The following MAP7 variants were observed in gnomAD, a reference collection of about 807,000 sequenced individuals.
MAP7 encodes the protein microtubule associated protein 7.
Under a neutral mutation model 94.8 loss-of-function variants are expected in MAP7, and 52 were observed. The ratio of observed to expected loss-of-function variants is 0.55; its 90% CI spans 0.44 to 0.69. The LOEUF (loss-of-function observed/expected upper bound fraction) is 0.69, where lower values mean the gene tolerates loss of function less well. MAP7 is among the 30% of genes least tolerant of loss of function. MAP7 has a pLI of 0.00. For missense variants in MAP7, 940 were observed against 964.6 expected (o/e 0.97, Z 0.34); for synonymous variants, 350 against 357.0 (o/e 0.98, Z 0.22).
rs1488909487 is a variant in MAP7, at chr6:136,365,716, C to T, written c.1273+19G>A. 1.9e-6 allele frequency: 3 copies of T among 1,609,542 alleles called. No individual in the cohort carries two copies. Among genetic ancestry groups the T allele is most frequent in the East Asian group, 2.2e-5 (1 of 44,806 alleles). On this transcript the variant is annotated intron_variant, in intron 10 of 17. Transcript: ENST00000354570. ...AGAAAAAGAGAGAGCACCCAGACCA[C>T]AGGTGAGTTTGCTCTTACCAGGGCC...
intron 1 of MAP7, chr6:136,545,089 A>G (rs1829623194): frequency 1.3e-5 from 2 of 152,174 alleles, no homozygotes; most frequent in Admixed American, 1.3e-4. Context: ...GTCTCTTCCT[A>G]TTGCCATGCT....
chr6:136,468,093 C>T (rs1007955297), intron 1 of MAP7, among the ~76,000 whole-genome samples: 6 of 152,238 alleles, frequency 3.9e-5, no homozygotes, highest in African/African-American at 1.4e-4. Flanking sequence ...AGCATCAGAG[C>T]GTGTGACCAC....
chr6:136,510,285 A>G (rs944644021), intron 1 of MAP7, among the ~76,000 whole-genome samples: 1 of 152,190 alleles, frequency 6.6e-6, no homozygotes, highest in Admixed American at 6.5e-5. Context: ...AGAGGATAAG[A>G]AAGTAGAAAC....
chr6:136,505,273 GTGTGTATATATATATA>G lies in MAP7; in HGVS notation c.67+45053_67+45068del, dbSNP rs1181929546. On this transcript the variant is annotated intron_variant, in intron 1 of 17. Coordinates refer to ENST00000354570, the MANE Select transcript of MAP7 (RefSeq NM_003980.6). ...GTAATGTGTGTGTGTGTGTGTGTGTGTGTGTATATATATATATATATATATATATATATATATATAG... is the reference window on the plus strand; with the variant it reads ...GTAATGTGTGTGTGTGTGTGTGTGTGTATATATATATATATATATATATAG... 1.3e-3 allele frequency among the ~76,000 whole-genome samples: 94 copies of G among 69,850 alleles called. 1 individual carries two copies. Among genetic ancestry groups the G allele is most frequent in the African/African-American group, 4.7e-3 (85 of 18,200 alleles). 45.8% of individuals were successfully genotyped at this position (69,850 alleles called of 152,430 possible).
intron 1 of MAP7, among the ~76,000 whole-genome samples, chr6:136,486,598 A>G (rs1447931610): frequency 6.6e-6 from 1 of 152,208 alleles, no homozygotes; most frequent in Non-Finnish European, 1.5e-5. Flanking sequence ...AGACTGACCT[A>G]GTTAGATTCT....
At chr6:136,345,832 G>C in intron 17 of MAP7, 24 bp downstream of exon 17, 1 of 1,575,364 alleles carries the variant, frequency 6.3e-7, no homozygotes, top group Non-Finnish European at 8.7e-7. Flanking sequence ...GATGACTACA[G>C]AAGGGAGTTG....
In MAP7 at chr6:136,496,674, T is replaced by A. The variant is rs575766625; in HGVS notation, c.67+53668A>T. Among the ~76,000 whole-genome samples the A allele has an allele frequency of 1.5e-4, 22 of 150,208 alleles. 1 individual carries two copies. The highest frequency in any genetic ancestry group is 5.4e-4 in the African/African-American group (22 of 40,590). The stretch of plus-strand genomic sequence containing the variant: ...TCCATTTGAGGCCAGGTGCAGTAGC[T>A]CACACCTGTAATTCCAGCACTTTGG... On this transcript the variant is annotated intron_variant, in intron 1 of 17. Transcript: ENST00000354570.
At chr6:136,361,234 A>G in intron 11 of MAP7, 55 bp from the exon 12 acceptor site, 1 of 1,581,220 alleles carries the variant, frequency 6.3e-7, no homozygotes, top group Non-Finnish European at 8.6e-7. Context: ...GAAATCTTTG[A>G]AGAGAGGCCT....
chr6:136,406,377 C>T (rs1414112454), intron 3 of MAP7, among the ~76,000 whole-genome samples: 3 of 152,186 alleles, frequency 2.0e-5, no homozygotes, highest in African/African-American at 7.2e-5. Flanking sequence ...TCCATGACAA[C>T]TGGATACCTG....
rs73567669 is a variant in MAP7, at chr6:136,449,763, C to T, written c.68-27964G>A. 2.4e-3 allele frequency among the ~76,000 whole-genome samples: 369 copies of T among 152,290 alleles called. 1 individual carries two copies. Among genetic ancestry groups the T allele is most frequent in the African/African-American group, 8.2e-3 (340 of 41,544 alleles). ...TATGCAGGGGCTCTGCCCATAGGGA[C>T]GAAGGCATTAGCCAACGATTGCACT... On this transcript the variant is annotated intron_variant, in intron 1 of 17. Coordinates refer to ENST00000354570, the MANE Select transcript of MAP7 (RefSeq NM_003980.6).
chr6:136,506,655 G>A (rs115485127), intron 1 of MAP7, among the ~76,000 whole-genome samples: 7 of 152,290 alleles, frequency 4.6e-5, no homozygotes, highest in African/African-American at 1.7e-4. Context: ...CTTCACTGAC[G>A]TGCAAGAACA....
intron 4 of MAP7, 63 bp downstream of exon 4, chr6:136,389,291 A>C: frequency 6.7e-7 from 1 of 1,496,598 alleles, no homozygotes; most frequent in Non-Finnish European, 8.9e-7. Context: ...AAAGTTTCAC[A>C]GAAAGTTTGC....
chr6:136,476,910 T>C (rs1034568105), intron 1 of MAP7, among the ~76,000 whole-genome samples: 9 of 152,234 alleles, frequency 5.9e-5, no homozygotes, highest in African/African-American at 1.7e-4. Context: ...CTCTTCTTTA[T>C]GGTAGAAAGC....
chr6:136,496,780 A>G (rs1168642805), intron 1 of MAP7, among the ~76,000 whole-genome samples: 3 of 141,848 alleles, frequency 2.1e-5, no homozygotes, highest in East Asian at 2.6e-4. Context: ...TCTCTACTAA[A>G]AAAAAAAAAA....
chr6:136,381,919 C>CACACACACACACACACACAG lies in MAP7; in HGVS notation c.637+1751_637+1752insCTGTGTGTGTGTGTGTGTGT, dbSNP rs373754692. 5.5e-4 allele frequency among the ~76,000 whole-genome samples: 57 copies of CACACACACACACACACACAG among 103,006 alleles called. 2 individuals carry two copies. In the East Asian group the frequency reaches 6.7e-3, roughly 12 times the overall value. 67.6% of individuals were successfully genotyped at this position (103,006 alleles called of 152,430 possible). A position where few individuals can be genotyped will look rare whatever the true frequency, so the allele number is the denominator to read the frequency against. On this transcript the variant is annotated intron_variant, in intron 6 of 17. Transcript: ENST00000354570. ...ACACACACACACACACACACACACA[C>CACACACACACACACACACAG]AGAGAGAGAGAGAGAGAATGCATGG...
In MAP7 at chr6:136,394,951, T is replaced by TATATATATATATATATATATAC. The variant is rs1562350165; in HGVS notation, c.245-5435_245-5434insGTATATATATATATATATATAT. Among the ~76,000 whole-genome samples the TATATATATATATATATATATAC allele has an allele frequency of 3.4e-5, 4 of 118,140 alleles. 1 individual carries two copies. Among genetic ancestry groups the TATATATATATATATATATATAC allele is most frequent in the African/African-American group, 1.3e-4 (4 of 30,928 alleles). 77.5% of individuals were successfully genotyped at this position (118,140 alleles called of 152,430 possible). On this transcript the variant is annotated intron_variant, in intron 3 of 17. Coordinates refer to ENST00000354570, the MANE Select transcript of MAP7 (RefSeq NM_003980.6). ...TCCATCATATATATATATATATATA[T>TATATATATATATATATATATAC]ATATATATATATATATATATCACAT...
At chr6:136,383,903 A>G in intron 5 of MAP7, 122 bp from the exon 6 acceptor site, 1 of 627,822 alleles carries the variant, frequency 1.6e-6, no homozygotes, top group Admixed American at 3.5e-5. Context: ...ATCTGTCATA[A>G]TAACACAGTT....
At chr6:136,535,778 G>C (rs1009174972) in intron 1 of MAP7, among the ~76,000 whole-genome samples, 1 of 145,014 alleles carries the variant, frequency 6.9e-6, no homozygotes, top group Non-Finnish European at 1.5e-5. Flanking sequence ...TTAAGTTCTA[G>C]TGTACATGTG....
chr6:136,526,173 A>C lies in MAP7; in HGVS notation c.67+24169T>G. The C allele has an allele frequency of 3.1e-6, 4 of 1,278,322 alleles. No individual in the cohort carries two copies. The South Asian group carries it at 6.5e-5, about 21-fold the overall frequency. The allele number at this position is 1,278,322 out of a possible 1,614,324, so 79.2% of individuals were successfully genotyped here. ...TGAGGCCCTGCAGTTCCCCTCACCTAGCAGCAGCTTCCCCACCTCCCCTAC... is the reference window on the plus strand; with the variant it reads ...TGAGGCCCTGCAGTTCCCCTCACCTCGCAGCAGCTTCCCCACCTCCCCTAC... On this transcript the variant is annotated intron_variant, in intron 1 of 17. Transcript: ENST00000354570.
Sources: gnomAD v4.1 joint callset for allele counts (sites outside exome capture counted in the v4.1 genomes callset) on GRCh38, gnomAD v4.1.1 for gene constraint, MANE v1.5 for transcripts, NCBI Gene and HGNC (gene_info 2026-07-23, HGNC 2026-07-21) for gene names.